Variants in MDH1 observed in about 807,000 individuals in gnomAD.
MDH1 encodes malate dehydrogenase 1.
MDH1 carries 15 observed loss-of-function variants against 38.7 expected under a neutral mutation model. The ratio of observed to expected loss-of-function variants is 0.39; its 90% CI spans 0.26 to 0.60. MDH1 has a LOEUF of 0.60. Ranked by LOEUF, MDH1 falls within the 20% of genes least tolerant of loss-of-function variation. The pLI is 0.56. For missense variants in MDH1, 368 were observed against 405.2 expected (o/e 0.91, Z 0.79); for synonymous variants, 144 against 143.6 (o/e 1.00, Z -0.02).
Position 63,595,501 on chromosome 2 carries a change from G to A in MDH1, c.181G>A (p.Ala61Thr). 6.2e-7 allele frequency: 1 copy of A among 1,610,118 alleles called. No individual in the cohort carries two copies. Residue 61 changes from alanine to threonine, a missense_variant, in exon 3 of 9, where the codon GCC becomes ACC. Physicochemically the swap from Ala to Thr is moderately conservative, Grantham distance 58. Transcript: ENST00000233114. ...TGTCCTAATGGAACTGCAAGACTGT[G>A]CCCTTCCCCTCCTGAAAGGTGGGTT... is the stretch of plus-strand genomic sequence containing the variant. ...DGVLMELQDC[A>T]LPLLKDVIAT... is the part of the protein sequence containing the mutation.
intron 5 of MDH1, among the ~76,000 whole-genome samples, chr2:63,602,578 A>G (rs1180418778): frequency 4.6e-5 from 7 of 152,034 alleles, no homozygotes; most frequent in Admixed American, 3.9e-4. Context: ...GTCTTTATGA[A>G]TGATTCTATG....
chr2:63,595,292 A>G (rs114683159), intron 2 of MDH1, 131 bp from the exon 3 acceptor site: 8,624 of 708,292 alleles, frequency 0.012, 97 homozygotes, highest in Non-Finnish European at 0.013. Context: ...CTGACCTCCT[A>G]AAATAATCAT....
rs1709265822 is a variant in MDH1, at chr2:63,594,544, G to T, written c.60G>T (p.Leu20=). The T allele has an allele frequency of 1.9e-6, 3 of 1,613,744 alleles. No individual in the cohort carries two copies. Among genetic ancestry groups the T allele is most frequent in the Non-Finnish European group, 2.5e-6 (3 of 1,179,826 alleles). ...TGAAGQIAYS[L]LYSIGNGSVF... ...CAGCTGGTCAAATTGCATATTCACT[G>T]CTGTACAGTATTGGAAATGGATCTG... is the stretch of plus-strand genomic sequence containing the variant. The change falls in exon 2 of 9, where the codon CTG becomes CTT. Residue 20 remains leucine (L), a synonymous_variant. Transcript: ENST00000233114.
intron 1 of MDH1, chr2:63,589,437 C>T (rs1403649442): frequency 1.3e-6 from 2 of 1,508,898 alleles, no homozygotes; most frequent in African/African-American, 1.4e-5. Context: ...TCCTCATTTG[C>T]CCACAGTGTT....
Position 63,604,891 on chromosome 2 carries a change from C to A in MDH1, c.675+19C>A, listed in dbSNP as rs755128980. ...TGTCACGGTAAGAAAAATCTGTGAG[C>A]CTTCTTAACACTGAGCGTAAAGAAC... On this transcript the variant is annotated intron_variant, in intron 6 of 8. Transcript: ENST00000233114. 6.2e-6 allele frequency: 10 copies of A among 1,612,694 alleles called. No individual in the cohort carries two copies. The highest frequency in any genetic ancestry group is 1.7e-5 in the Admixed American group (1 of 59,968).
intron 1 of MDH1, 137 bp from the exon 2 acceptor site, chr2:63,594,351 C>T: frequency 1.3e-6 from 1 of 768,456 alleles, no homozygotes; most frequent in Middle Eastern, 2.3e-4. Flanking sequence ...TCATTTTCTA[C>T]TGAGCCAGAT....
intron 7 of MDH1, 132 bp from the exon 8 acceptor site, chr2:63,605,807 T>C: frequency 4.0e-6 from 3 of 758,050 alleles, no homozygotes; most frequent in Non-Finnish European, 4.7e-6. Context: ...TACCTGGTGC[T>C]GATGATAGTT....
chr2:63,590,557 T>C (rs1430697809), intron 1 of MDH1: 3 of 152,244 alleles, frequency 2.0e-5, no homozygotes, highest in African/African-American at 7.2e-5. Context: ...ACTTGATAGC[T>C]TTATTCCTTG....
intron 7 of MDH1, 80 bp downstream of exon 7, chr2:63,605,473 TAGC>T (rs1709510839): frequency 9.9e-7 from 1 of 1,007,874 alleles, no homozygotes; most frequent in Non-Finnish European, 1.5e-6. Context: ...AATATAGCCT[TAGC>T]AGTCAGTCAG....
chr2:63,607,093 A>C lies in MDH1; in HGVS notation c.*106A>C. On this transcript the variant is annotated 3_prime_UTR_variant, in exon 9 of 9. Transcript: ENST00000233114. ...GCTATACTTAAATTACTTGTGAAAAACAACACATTTTAAAGATTACGTGCT... is the reference window on the plus strand; with the variant it reads ...GCTATACTTAAATTACTTGTGAAAACCAACACATTTTAAAGATTACGTGCT... 5 of 1,172,820 alleles carry C rather than the reference A, an allele frequency of 4.3e-6. No homozygotes were observed. Among genetic ancestry groups the C allele is most frequent in the Non-Finnish European group, 5.9e-6 (5 of 850,124 alleles). 72.7% of individuals were successfully genotyped at this position (1,172,820 alleles called of 1,614,324 possible).
intron 5 of MDH1, among the ~76,000 whole-genome samples, chr2:63,601,245 G>T (rs759046654): frequency 6.6e-6 from 1 of 152,190 alleles, no homozygotes; most frequent in Non-Finnish European, 1.5e-5. Context: ...TGTTTATCCA[G>T]TGAGAAAAAT....
At position 63,592,865 on chromosome 2, in the gene MDH1, G is replaced by A. The variant is rs1709226094; in HGVS notation, c.4-1623G>A. 3.3e-5 allele frequency among the ~76,000 whole-genome samples: 5 copies of A among 151,970 alleles called. No homozygotes were observed. The South Asian group carries it at 1.0e-3, about 31-fold the overall frequency. On this transcript the variant is annotated intron_variant, in intron 1 of 8. Transcript: ENST00000233114. ...AAATAGACAAAGTTCCTGTCCTTAA[G>A]GATCTCGTATTCTAAAGGGAAAGGG...
chr2:63,603,248 G>A (rs879930446), intron 5 of MDH1, among the ~76,000 whole-genome samples: 1 of 152,016 alleles, frequency 6.6e-6, no homozygotes, highest in African/African-American at 2.4e-5. Flanking sequence ...GAGCCACCGC[G>A]CCTGGCATAT....
At position 63,597,428 on chromosome 2, in the gene MDH1, G is replaced by A; in HGVS notation, c.229G>A (p.Ala77Thr). ...CATCGCAACAGATAAAGAAGACGTT[G>A]CCTTCAAAGACCTGGATGTGGCCAT... ...DVIATDKEDV[A>T]FKDLDVAILV... Residue 77 changes from alanine (A) to threonine (T), a missense_variant, in exon 4 of 9, where the codon GCC becomes ACC. Transcript: ENST00000233114. The A allele has an allele frequency of 6.9e-7, 1 of 1,451,894 alleles. No individual in the cohort carries two copies. Among genetic ancestry groups the A allele is most frequent in the Non-Finnish European group, 9.2e-7 (1 of 1,091,248 alleles). The allele number at this position is 1,451,894 out of a possible 1,614,324, so 89.9% of individuals were successfully genotyped here.
intron 7 of MDH1, chr2:63,605,707 A>C (rs148281530): frequency 2.2e-4 from 130 of 594,990 alleles, no homozygotes; most frequent in African/African-American, 2.1e-3. Flanking sequence ...CCTCATCTGT[A>C]AAATGAGGAT....
In MDH1 at chr2:63,589,344, A is replaced by T. The variant is rs1251234820; in HGVS notation, c.3+298A>T. 1.2e-5 allele frequency: 19 copies of T among 1,550,432 alleles called. No individual in the cohort carries two copies. The East Asian group carries it at 4.4e-4, about 36-fold the overall frequency. ...GAGGACAAAATGCGACGCTGCAGCT[A>T]TTTTCCAAAGGACGTTACGGTGTTT... is the stretch of plus-strand genomic sequence containing the variant. On this transcript the variant is annotated intron_variant, in intron 1 of 8. Transcript: ENST00000233114.
chr2:63,605,020 A>C, intron 6 of MDH1, 148 bp downstream of exon 6: 1 of 764,628 alleles, frequency 1.3e-6, no homozygotes, highest in Non-Finnish European at 2.1e-6. Flanking sequence ...GTCATGATCT[A>C]GTGTGATCTG....
At position 63,595,361 on chromosome 2, in the gene MDH1, G is replaced by T. The variant is rs1164085874; in HGVS notation, c.103-62G>T. ...ATACCAAATAAAAACTATGTGAAAA[G>T]ACTTTCTTGTGTCTAAATGAAATAG... On this transcript the variant is annotated intron_variant, in intron 2 of 8. Coordinates refer to ENST00000233114, the MANE Select transcript of MDH1 (RefSeq NM_005917.4). The T allele has an allele frequency of 7.9e-6, 8 of 1,017,898 alleles. No individual in the cohort carries two copies. The Admixed American group carries it at 1.2e-4, about 15-fold the overall frequency. The allele number at this position is 1,017,898 out of a possible 1,614,324, so 63.1% of individuals were successfully genotyped here. A position where few individuals can be genotyped will look rare whatever the true frequency, so the allele number is the denominator to read the frequency against.
chr2:63,595,111 A>G (rs1709280245), intron 2 of MDH1: 9 of 391,258 alleles, frequency 2.3e-5, no homozygotes, highest in South Asian at 2.0e-4. Context: ...AACTGAAATC[A>G]AATATACAGC....
Sources: gnomAD v4.1 joint callset for allele counts (sites outside exome capture counted in the v4.1 genomes callset) on GRCh38, gnomAD v4.1.1 for gene constraint, MANE v1.5 for transcripts, NCBI Gene and HGNC (gene_info 2026-07-23, HGNC 2026-07-21) for gene names.